Variants in FBN2 observed in about 807,000 individuals in gnomAD.
FBN2 encodes fibrillin 2.
In FBN2, 105 loss-of-function variants were observed where a neutral mutation model predicts 355.6. That is an observed-to-expected ratio of 0.30 (90% confidence interval 0.25 to 0.35). The LOEUF is 0.35. FBN2 is among the 10% of genes least tolerant of loss of function. FBN2 has a pLI of 1.00. For synonymous variants in FBN2, 1,350 were observed against 1,301.2 expected (o/e 1.04, Z -0.81); for missense variants, 3,280 against 3,758.7 (o/e 0.87, Z 3.33).
chr5:128,288,711 T>C (rs571601188), intron 52 of FBN2, among the ~76,000 whole-genome samples, 154 bp from the exon 53 acceptor site: 1 of 152,304 alleles, frequency 6.6e-6, no homozygotes, highest in East Asian at 1.9e-4. Flanking sequence ...CTGGCAGCTA[T>C]GTAGTGCAGA....
At chr5:128,458,791 C>T (rs1242554217) in intron 6 of FBN2, among the ~76,000 whole-genome samples, 3 of 152,108 alleles carry the variant, frequency 2.0e-5, no homozygotes, top group Non-Finnish European at 2.9e-5. Flanking sequence ...TGGGACACAG[C>T]TAAAGCAGTG....
intron 15 of FBN2, among the ~76,000 whole-genome samples, chr5:128,374,367 C>T (rs1752026708): frequency 6.6e-6 from 1 of 152,110 alleles, no homozygotes; most frequent in Non-Finnish European, 1.5e-5. Context: ...TCTCCCACCA[C>T]CCCCATCCTC....
At chr5:128,452,183 C>A (rs1481352875) in intron 6 of FBN2, among the ~76,000 whole-genome samples, 1 of 152,114 alleles carries the variant, frequency 6.6e-6, no homozygotes, top group Non-Finnish European at 1.5e-5. Context: ...ATTTCTACAT[C>A]TGCAAAGTCC....
At chr5:128,516,524 G>C (rs2127158728) in intron 5 of FBN2, among the ~76,000 whole-genome samples, 1 of 151,994 alleles carries the variant, frequency 6.6e-6, no homozygotes, top group South Asian at 2.1e-4. Context: ...TCAGTCTCTG[G>C]GTCTGGAAAC....
intron 12 of FBN2, 47 bp downstream of exon 12, chr5:128,378,724 A>T: frequency 1.2e-6 from 2 of 1,608,420 alleles, no homozygotes; most frequent in Non-Finnish European, 1.7e-6. Flanking sequence ...AGCCTTGGTC[A>T]CTATATTTCA....
At chr5:128,489,790 A>C (rs1392265724) in intron 5 of FBN2, among the ~76,000 whole-genome samples, 1 of 152,204 alleles carries the variant, frequency 6.6e-6, no homozygotes, top group African/African-American at 2.4e-5. Flanking sequence ...AAAGCAACAC[A>C]GCAACATAAA....
rs549965988 is a variant in FBN2 at position 128,293,634 on chromosome 5, A to G, written c.6167-1980T>C. Among the ~76,000 whole-genome samples, 4 of 152,328 alleles carry G rather than the reference A, an allele frequency of 2.6e-5. No individual in the cohort carries two copies. In the South Asian group the frequency reaches 8.3e-4, roughly 32 times the overall value. On this transcript the variant is annotated intron_variant, in intron 48 of 64. Coordinates refer to ENST00000262464, the MANE Select transcript of FBN2 (RefSeq NM_001999.4). ...TATCTTAATGAAATAAAAGCTATCC[A>G]TACTTTCATTAAGAGGAAAGGTAGC...
At chr5:128,403,326 T>G (rs1752847592) in intron 8 of FBN2, among the ~76,000 whole-genome samples, 1 of 152,226 alleles carries the variant, frequency 6.6e-6, no homozygotes, top group African/African-American at 2.4e-5. Context: ...CACTAACACG[T>G]TTGGAAAGCT....
At chr5:128,295,770 T>A (rs1749488900) in intron 48 of FBN2, among the ~76,000 whole-genome samples, 1 of 135,416 alleles carries the variant, frequency 7.4e-6, no homozygotes, top group African/African-American at 3.0e-5. Context: ...TATACAATCA[T>A]GTCGTCTGCA....
chr5:128,261,584 T>C (rs999689672), intron 64 of FBN2, 152 bp downstream of exon 64: 2 of 734,476 alleles, frequency 2.7e-6, no homozygotes, highest in South Asian at 3.0e-5. Context: ...TCACTTTAAT[T>C]TACTTGTCTT....
intron 6 of FBN2, among the ~76,000 whole-genome samples, chr5:128,455,130 C>T (rs1452811751): frequency 6.6e-6 from 1 of 152,148 alleles, no homozygotes; most frequent in South Asian, 2.1e-4. Flanking sequence ...AGAGTAGGTT[C>T]ATGAGACTAA....
Position 128,276,150 on chromosome 5 carries a change from TTCA to T in FBN2, c.7479_7481del (p.Asp2493del). On this transcript the variant is annotated inframe_deletion, in exon 59 of 65. Transcript: ENST00000262464. ...TGCATGGTTTCGGGGACTGGGAGCATTCATCAAGGTCTAAGTAAAAGTGATGTG... is the reference window on the plus strand; with the variant it reads ...TGCATGGTTTCGGGGACTGGGAGCATTCAAGGTCTAAGTAAAAGTGATGTG... The T allele has an allele frequency of 6.2e-7, 1 of 1,613,782 alleles. No homozygotes were observed. The highest frequency in any genetic ancestry group is 8.5e-7 in the Non-Finnish European group (1 of 1,179,720).
chr5:128,482,631 T>C (rs1755223613), intron 5 of FBN2, among the ~76,000 whole-genome samples: 1 of 152,118 alleles, frequency 6.6e-6, no homozygotes, highest in Non-Finnish European at 1.5e-5. Flanking sequence ...GCATTTAGAT[T>C]AGAGTTTTAA....
intron 62 of FBN2, 136 bp from the exon 63 acceptor site, chr5:128,263,792 C>A: frequency 1.5e-6 from 1 of 649,630 alleles, no homozygotes; most frequent in Non-Finnish European, 2.6e-6. Context: ...ATTCTGACGA[C>A]TGATTTGCAA....
chr5:128,288,645 T>C (rs1749227459), intron 52 of FBN2, 88 bp from the exon 53 acceptor site: 2 of 1,485,252 alleles, frequency 1.3e-6, no homozygotes. Flanking sequence ...CCCTCACCCA[T>C]TTCCAGGATC....
chr5:128,439,558 A>G (rs996720373), intron 7 of FBN2, among the ~76,000 whole-genome samples: 1 of 152,140 alleles, frequency 6.6e-6, no homozygotes, highest in Non-Finnish European at 1.5e-5. Context: ...TCAATAGTCA[A>G]TTCATATCCT....
chr5:128,269,208 A>G (rs924082703), intron 62 of FBN2, among the ~76,000 whole-genome samples: 1 of 151,348 alleles, frequency 6.6e-6, no homozygotes, highest in African/African-American at 2.4e-5. Context: ...TGAGGCCAGG[A>G]GTTCGAAACC....
intron 25 of FBN2, among the ~76,000 whole-genome samples, chr5:128,341,416 C>G (rs951598151): frequency 5.9e-5 from 9 of 152,138 alleles, no homozygotes; most frequent in African/African-American, 1.7e-4. Context: ...GTCTGTGATA[C>G]AGTAGATACT....
intron 25 of FBN2, among the ~76,000 whole-genome samples, chr5:128,342,474 G>A (rs1388672181): frequency 2.6e-5 from 4 of 152,092 alleles, no homozygotes; most frequent in Admixed American, 6.5e-5. Context: ...AGAGAGGGGT[G>A]AGACTTACCA....
Sources: allele counts gnomAD v4.1 joint callset (sites outside exome capture counted in the v4.1 genomes callset), GRCh38; gene constraint gnomAD v4.1.1; transcripts MANE v1.5; gene names NCBI Gene and HGNC (gene_info 2026-07-23, HGNC 2026-07-21).